The following GPR55 variants were observed in gnomAD, a reference collection of about 807,000 sequenced individuals.
GPR55 encodes G-protein coupled receptor 55.
Under a neutral mutation model 7.9 loss-of-function variants are expected in GPR55, and 6 were observed. The observed-to-expected ratio is 0.76, with a 90% confidence interval of 0.41 to 1.49. The LOEUF (loss-of-function observed/expected upper bound fraction) is 1.49. Among genes scored for constraint, GPR55 ranks in the 40% most tolerant of loss-of-function variants. GPR55 has a pLI of 0.01. For synonymous variants in GPR55, 183 were observed against 166.8 expected, an observed-to-expected ratio of 1.10 and a Z score of -0.75; for missense variants, 376 against 406.0, an observed-to-expected ratio of 0.93 and a Z score of 0.63.
intron 1 of GPR55, among the ~76,000 whole-genome samples, chr2:230,943,217 G>T (rs1004816276): frequency 6.6e-6 from 1 of 152,168 alleles, no homozygotes; most frequent in Non-Finnish European, 1.5e-5. Flanking sequence ...TTGGACTAGA[G>T]CCAGGTCAAG....
chr2:230,916,539 A>G (rs112435710), intron 1 of GPR55, among the ~76,000 whole-genome samples: 1 of 151,894 alleles, frequency 6.6e-6, no homozygotes, highest in Non-Finnish European at 1.5e-5. Flanking sequence ...AAAAAAAAAA[A>G]GAGATAATCT....
At chr2:230,937,411 A>G (rs982877691) in intron 1 of GPR55, among the ~76,000 whole-genome samples, 1 of 58,546 alleles carries the variant, frequency 1.7e-5, no homozygotes, top group African/African-American at 2.6e-4. Flanking sequence ...TCACTCTCAG[A>G]GATAAATTCT....
chr2:230,921,607 T>G (rs7591136), intron 1 of GPR55, among the ~76,000 whole-genome samples: 10,848 of 152,252 alleles, frequency 0.071, 993 homozygotes, highest in African/African-American at 0.21. Flanking sequence ...AAAGAAACAA[T>G]ATTTATACAC....
At chr2:230,911,733 T>C (rs1243830494) in intron 1 of GPR55, among the ~76,000 whole-genome samples, 1 of 152,010 alleles carries the variant, frequency 6.6e-6, no homozygotes, top group East Asian at 1.9e-4. Flanking sequence ...TGGAGAGATA[T>C]GGGAGAAATG....
upstream of GPR55, among the ~76,000 whole-genome samples, chr2:230,929,321 C>T (rs1690993865): frequency 6.6e-6 from 1 of 152,322 alleles, no homozygotes; most frequent in African/African-American, 2.4e-5. Flanking sequence ...AGCCCCCCAA[C>T]TCGGGGCCCT....
intron 1 of GPR55, among the ~76,000 whole-genome samples, chr2:230,954,166 C>T (rs1364676860): frequency 6.6e-6 from 1 of 152,276 alleles, no homozygotes. Context: ...GTAATCGTGC[C>T]CACAACAGCT....
chr2:230,947,864 C>T (rs1262575054), intron 1 of GPR55, among the ~76,000 whole-genome samples: 1 of 152,110 alleles, frequency 6.6e-6, no homozygotes, highest in Admixed American at 6.6e-5. Flanking sequence ...CCCTCCAACT[C>T]CTAACATAGC....
intron 1 of GPR55, among the ~76,000 whole-genome samples, chr2:230,952,244 C>T (rs60776285): frequency 6.7e-6 from 1 of 148,578 alleles, no homozygotes; most frequent in Non-Finnish European, 1.5e-5. Context: ...GAGCCACAAT[C>T]CTGGTGAGCA....
At chr2:230,959,131 T>C (rs1393167059) in intron 1 of GPR55, among the ~76,000 whole-genome samples, 1 of 152,206 alleles carries the variant, frequency 6.6e-6, no homozygotes, top group Non-Finnish European at 1.5e-5. Context: ...TCGAATACTT[T>C]GTTGCCAGTG....
intron 1 of GPR55, among the ~76,000 whole-genome samples, chr2:230,937,666 T>C (rs1691153590): frequency 6.6e-6 from 1 of 151,976 alleles, no homozygotes; most frequent in Admixed American, 6.5e-5. Flanking sequence ...TGATAAATTG[T>C]GATTATTTGT....
intron 1 of GPR55, among the ~76,000 whole-genome samples, chr2:230,940,927 G>A (rs1559177737): frequency 6.6e-6 from 1 of 152,116 alleles, no homozygotes; most frequent in East Asian, 1.9e-4. Context: ...GACCAGCCTG[G>A]GCAATACGGT....
At chr2:230,926,535 C>T (rs1690945604), upstream of GPR55, among the ~76,000 whole-genome samples, 1 of 152,152 alleles carries the variant, frequency 6.6e-6, no homozygotes, top group African/African-American at 2.4e-5. Context: ...GGAGGAAACA[C>T]ACCGGTGTCT....
At chr2:230,942,742 A>G (rs2125066551) in intron 1 of GPR55, among the ~76,000 whole-genome samples, 1 of 151,980 alleles carries the variant, frequency 6.6e-6, no homozygotes, top group Non-Finnish European at 1.5e-5. Flanking sequence ...CTGTTTGAGA[A>G]GGGCCCGATG....
At chr2:230,954,251 G>A (rs984506519) in intron 1 of GPR55, among the ~76,000 whole-genome samples, 2 of 151,670 alleles carry the variant, frequency 1.3e-5, no homozygotes, top group African/African-American at 4.8e-5. Context: ...CAGTGTAGAT[G>A]GCACTGCCAA....
chr2:230,934,531 G>A (rs967498124), intron 1 of GPR55, among the ~76,000 whole-genome samples: 5 of 152,222 alleles, frequency 3.3e-5, no homozygotes, highest in African/African-American at 1.2e-4. Context: ...GGGACAGCCA[G>A]CCTGACCCAG....
chr2:230,936,878 A>G (rs1691141325), intron 1 of GPR55, among the ~76,000 whole-genome samples: 1 of 152,244 alleles, frequency 6.6e-6, no homozygotes, highest in Admixed American at 6.5e-5. Context: ...CTAAGGGGAA[A>G]GTAATTTATA....
chr2:230,910,046 C>G lies in GPR55; in HGVS notation c.917G>C (p.Arg306Thr). ...RMNIRAHRPS[R>T]VQLVLQDTTI... The stretch of plus-strand genomic sequence containing the variant: ...GGTGTCCTGCAGGACCAGCTGGACC[C>G]TGGAAGGCCGGTGGGCCCTGATGTT... Residue 306 changes from arginine (R) to threonine (T), a missense_variant, in exon 2 of 2, where the codon AGG (arginine) becomes ACG (threonine). Transcript: ENST00000650999. This position sits in a 1 kb window ranked among gnomAD's most constrained non-coding sequence, Gnocchi z 5.4. 6.2e-7 allele frequency: 1 copy of G among 1,614,158 alleles called. No homozygotes were observed. Among genetic ancestry groups the G allele is most frequent in the Non-Finnish European group, 8.5e-7 (1 of 1,180,026 alleles).
intron 1 of GPR55, among the ~76,000 whole-genome samples, chr2:230,953,649 T>A (rs1393562166): frequency 6.6e-6 from 1 of 152,212 alleles, no homozygotes; most frequent in Admixed American, 6.5e-5. Flanking sequence ...TGGCAATGTG[T>A]TACAGCAGGA....
At position 230,910,497 on chromosome 2, in the gene GPR55, T is replaced by C. The variant is rs1415496222; in HGVS notation, c.466A>G (p.Ile156Val). ...TCCACTTTCCCATGGAAACTGTAGA[T>C]AGGGATGCTTCCGGTCCACACCAGG... is the stretch of plus-strand genomic sequence containing the variant. ...WVLVWTGSIP[I>V]YSFHGKVEKY... The change falls in exon 2 of 2, where the codon ATC becomes GTC. Residue 156 changes from isoleucine to valine, a missense_variant. Coordinates refer to ENST00000650999, the MANE Select transcript of GPR55 (RefSeq NM_005683.4). This position sits in a 1 kb window ranked among gnomAD's most constrained non-coding sequence, Gnocchi z 5.4. 1.9e-6 allele frequency: 3 copies of C among 1,614,008 alleles called. No individual in the cohort carries two copies. Among genetic ancestry groups the C allele is most frequent in the East Asian group, 4.5e-5 (2 of 44,872 alleles).
Sources: allele counts gnomAD v4.1 joint callset (sites outside exome capture counted in the v4.1 genomes callset), GRCh38; gene constraint gnomAD v4.1.1; non-coding constraint Gnocchi (gnomAD v3.1); transcripts MANE v1.5; gene names NCBI Gene and HGNC (gene_info 2026-07-23, HGNC 2026-07-21).